Variants in ABCB7 observed in about 807,000 individuals in gnomAD.
ABCB7 encodes iron-sulfur clusters transporter ABCB7, mitochondrial.
In ABCB7, 7 loss-of-function variants were observed where a neutral mutation model predicts 54.4. That is an observed-to-expected ratio of 0.13 (90% confidence interval 0.07 to 0.24). The LOEUF (loss-of-function observed/expected upper bound fraction) is 0.24, where lower values mean the gene tolerates loss of function less well. Ranked by LOEUF, ABCB7 falls within the 10% of genes least tolerant of loss-of-function variation. The probability of loss-of-function intolerance (pLI) is 1.00; values close to 1 mark genes in which losing one functional copy is unlikely to be tolerated. For synonymous variants in ABCB7, 218 were observed against 207.1 expected (o/e 1.05, Z -0.45); for missense variants, 356 against 570.4 (o/e 0.62, Z 3.83).
At chrX:75,110,629 T>A (rs182486208) in intron 3 of ABCB7, among the ~76,000 whole-genome samples, 2 of 111,988 alleles carry the variant, frequency 1.8e-5, no homozygotes, top group African/African-American at 6.5e-5. Context: ...TCAGAAAGAA[T>A]CCTTTCATTA....
At chrX:75,080,361 G>T (rs1569224492) in intron 4 of ABCB7, among the ~76,000 whole-genome samples, 1 of 111,911 alleles carries the variant, frequency 8.9e-6, no homozygotes, top group African/African-American at 3.2e-5. Context: ...AAGGAGTGCA[G>T]TGGCATGATC....
Position 75,070,511 on chromosome X carries a change from C to T in ABCB7, c.1219G>A (p.Val407Ile). ...CCATTCACCATTACTAGATCTCCAA[C>T]AGTAAGGGTACCTTAAAAGGCAGAA... ...SQGIVAGTLT[V>I]GDLVMVNGLL... is the part of the protein sequence containing the mutation. The change falls in exon 10 of 16, where the codon GTT (valine) becomes ATT (isoleucine). Residue 407 changes from valine to isoleucine, a missense_variant. Val to Ile is a conservative substitution (Grantham distance 29). Coordinates refer to ENST00000373394, the MANE Select transcript of ABCB7 (RefSeq NM_001271696.3). 8.3e-7 allele frequency: 1 copy of T among 1,209,635 alleles called. No homozygotes were observed.
intron 15 of ABCB7, among the ~76,000 whole-genome samples, chrX:75,059,972 C>A (rs184555204): frequency 4.5e-5 from 5 of 111,645 alleles, no homozygotes; most frequent in African/African-American, 1.6e-4. Flanking sequence ...GAAAAACCTG[C>A]TTCTATCGTG....
intron 1 of ABCB7, among the ~76,000 whole-genome samples, chrX:75,132,382 C>T (rs776173081): frequency 1.6e-4 from 18 of 113,356 alleles, no homozygotes; most frequent in African/African-American, 5.7e-4. Context: ...TTAGGCTGAT[C>T]GTTCTGACTG....
intron 1 of ABCB7, among the ~76,000 whole-genome samples, chrX:75,154,909 T>C (rs2082162314): frequency 8.9e-6 from 1 of 112,419 alleles, no homozygotes; most frequent in South Asian, 3.6e-4. Flanking sequence ...GAATGAATTA[T>C]AAATGTCATT....
At chrX:75,134,307 G>C (rs777434499) in intron 1 of ABCB7, among the ~76,000 whole-genome samples, 47 of 111,733 alleles carry the variant, frequency 4.2e-4, no homozygotes, top group African/African-American at 1.5e-3. Context: ...CCTGACACTA[G>C]AGCACCCAGA....
intron 1 of ABCB7, among the ~76,000 whole-genome samples, chrX:75,131,512 T>A (rs1336427641): frequency 9.0e-6 from 1 of 111,001 alleles, no homozygotes; most frequent in Non-Finnish European, 1.9e-5. Flanking sequence ...AACAACAGAA[T>A]AACCAACAAC....
At chrX:75,153,774 A>ATATATAT (rs1555960369) in intron 1 of ABCB7, among the ~76,000 whole-genome samples, 3 of 85,817 alleles carry the variant, frequency 3.5e-5, no homozygotes, top group East Asian at 3.7e-4. Context: ...ATATATATAT[A>ATATATAT]AAATATATAT....
chrX:75,061,945 T>TCCATGAC (rs2081285080), intron 14 of ABCB7, among the ~76,000 whole-genome samples: 2 of 112,401 alleles, frequency 1.8e-5, no homozygotes, highest in Non-Finnish European at 3.8e-5. Flanking sequence ...GTCACAGGTT[T>TCCATGAC]CACAATCACT....
chrX:75,059,118 T>C (rs750437845), intron 15 of ABCB7, among the ~76,000 whole-genome samples: 1 of 111,230 alleles, frequency 9.0e-6, no homozygotes, highest in South Asian at 3.8e-4. Flanking sequence ...AAAAAGTCCC[T>C]TTAAATAGCT....
At chrX:75,060,629 A>G (rs2081275526) in intron 14 of ABCB7, among the ~76,000 whole-genome samples, 1 of 111,789 alleles carries the variant, frequency 8.9e-6, no homozygotes, top group South Asian at 3.7e-4. Flanking sequence ...ACAAGTACAA[A>G]TAAACAACTC....
chrX:75,125,573 C>T (rs2081918827), intron 1 of ABCB7, among the ~76,000 whole-genome samples: 1 of 111,246 alleles, frequency 9.0e-6, no homozygotes. Flanking sequence ...CTCCTTGCTA[C>T]TCCATTTTTG....
Position 75,073,863 on chromosome X carries a change from AT to A in ABCB7, c.944+4del. The A allele has an allele frequency of 8.3e-7, 1 of 1,207,788 alleles. No homozygotes were observed. The highest frequency in any genetic ancestry group is 1.1e-6 in the Non-Finnish European group (1 of 891,781). ...ATTTTATGTGGCTTCTAGGGAATAA[AT>A]TACCTCCACCGTGTGACTGCAACTG... On this transcript the variant is annotated splice_donor_region_variant and intron_variant, in intron 7 of 15. Transcript: ENST00000373394.
chrX:75,069,000 T>G lies in ABCB7; in HGVS notation c.1659+7A>C. ...CCAAAAATTTGTTTTTTTCTGTTTT[T>G]AAATACCTGAGGTACCACTCCCACT... is the stretch of plus-strand genomic sequence containing the variant. On this transcript the variant is annotated splice_region_variant and intron_variant, in intron 12 of 15. Coordinates refer to ENST00000373394, the MANE Select transcript of ABCB7 (RefSeq NM_001271696.3). 1 of 1,210,479 alleles carries G rather than the reference T, an allele frequency of 8.3e-7. No homozygotes were observed. Among genetic ancestry groups the G allele is most frequent in the Non-Finnish European group, 1.1e-6 (1 of 894,566 alleles).
At chrX:75,135,663 T>A (rs1317129889) in intron 1 of ABCB7, among the ~76,000 whole-genome samples, 1 of 111,621 alleles carries the variant, frequency 9.0e-6, no homozygotes, top group Non-Finnish European at 1.9e-5. Flanking sequence ...GAGATGTAAG[T>A]TTGGTTCAAC....
chrX:75,059,379 G>A (rs2081264974), intron 15 of ABCB7, among the ~76,000 whole-genome samples: 1 of 109,511 alleles, frequency 9.1e-6, no homozygotes, highest in African/African-American at 3.3e-5. Context: ...GCTGAGGTGG[G>A]AGGATTGCTT....
At chrX:75,105,671 T>C (rs1228407732) in intron 3 of ABCB7, among the ~76,000 whole-genome samples, 1 of 111,860 alleles carries the variant, frequency 8.9e-6, no homozygotes, top group Non-Finnish European at 1.9e-5. Context: ...AAAATTCATA[T>C]TGAACCAAAA....
intron 1 of ABCB7, among the ~76,000 whole-genome samples, chrX:75,117,703 GACCAT>G (rs1234894774): frequency 4.5e-5 from 5 of 111,465 alleles, no homozygotes; most frequent in African/African-American, 1.6e-4. Context: ...GCATGTACAG[GACCAT>G]GGGATATGGG....
intron 1 of ABCB7, among the ~76,000 whole-genome samples, chrX:75,135,996 A>C (rs762770232): frequency 2.5e-4 from 1 of 4,050 alleles, no homozygotes; most frequent in Admixed American, 7.8e-3. Flanking sequence ...CAGGCAAGAG[A>C]AAAAAAAAAA....
Sources: allele counts gnomAD v4.1 joint callset (sites outside exome capture counted in the v4.1 genomes callset), GRCh38; gene constraint gnomAD v4.1.1; transcripts MANE v1.5; gene names NCBI Gene and HGNC (gene_info 2026-07-23, HGNC 2026-07-21).